Variants in SGMS1 observed in about 807,000 individuals in gnomAD.
SGMS1 encodes the protein phosphatidylcholine:ceramide cholinephosphotransferase 1.
A neutral mutation model predicts 46.2 loss-of-function variants in SGMS1; 13 were observed. The ratio of observed to expected loss-of-function variants is 0.28; its 90% confidence interval spans 0.18 to 0.45. The LOEUF (loss-of-function observed/expected upper bound fraction) is 0.45, where lower values mean the gene tolerates loss of function less well. SGMS1 is among the 20% of genes least tolerant of loss of function. The probability of loss-of-function intolerance (pLI) is 1.00; values close to 1 mark genes in which losing one functional copy is unlikely to be tolerated. For missense variants in SGMS1, 324 were observed against 519.9 expected (o/e 0.62, Z 3.66); for synonymous variants, 203 against 187.8 (o/e 1.08, Z -0.66).
At chr10:50,575,714 A>T (rs1259453518) in intron 2 of SGMS1, among the ~76,000 whole-genome samples, 1 of 152,084 alleles carries the variant, frequency 6.6e-6, no homozygotes, top group Non-Finnish European at 1.5e-5. Context: ...CATATGTCCA[A>T]ACTCATCAAA....
At chr10:50,588,551 T>C (rs1286332541) in intron 2 of SGMS1, among the ~76,000 whole-genome samples, 2 of 152,152 alleles carry the variant, frequency 1.3e-5, no homozygotes, top group Non-Finnish European at 2.9e-5. Flanking sequence ...GGTAGTCAAA[T>C]TATGAGGCTG....
At chr10:50,370,875 G>A (rs1486501717) in intron 6 of SGMS1, among the ~76,000 whole-genome samples, 1 of 152,028 alleles carries the variant, frequency 6.6e-6, no homozygotes. Flanking sequence ...CATGCATGAA[G>A]CTGTCATCTC....
rs141099634 is a variant in SGMS1 at position 50,347,786 on chromosome 10, T to C, written c.-231-3441A>G. 4.9e-3 allele frequency among the ~76,000 whole-genome samples: 749 copies of C among 152,312 alleles called. 8 individuals carry two copies. The highest frequency in any genetic ancestry group is 0.036 in the South Asian group (172 of 4,822). On this transcript the variant is annotated intron_variant, in intron 6 of 10. Coordinates refer to ENST00000361781, the MANE Select transcript of SGMS1 (RefSeq NM_147156.4). ...CAGGGACCAGACAGAGGCCAAAGTG[T>C]TATTTCAGTCCTCTCTGATGAGAGG...
At position 50,418,350 on chromosome 10, in the gene SGMS1, G is replaced by A. The variant is rs1266027451; in HGVS notation, c.-232+15126C>T. ...GGCCGGATGCGCCGATCCTCTCCCG[G>A]GGGGTCAACTGCGAGCTAGACGCCC... On this transcript the variant is annotated intron_variant, in intron 6 of 10. Coordinates refer to ENST00000361781, the MANE Select transcript of SGMS1 (RefSeq NM_147156.4). 2.0e-5 allele frequency: 3 copies of A among 152,330 alleles called. No homozygotes were observed. The East Asian group carries it at 5.8e-4, about 29-fold the overall frequency. The allele number at this position is 152,330 out of a possible 1,614,324, so 9.4% of individuals were successfully genotyped here.
intron 6 of SGMS1, chr10:50,418,061 T>TA (rs1285134715): frequency 1.3e-5 from 2 of 152,216 alleles, no homozygotes; most frequent in African/African-American, 4.8e-5. Context: ...GAGCAACACT[T>TA]ACGGTCTCTC....
intron 3 of SGMS1, among the ~76,000 whole-genome samples, chr10:50,468,978 G>A (rs897792954): frequency 5.3e-5 from 8 of 152,170 alleles, no homozygotes; most frequent in African/African-American, 1.9e-4. Context: ...TGTGTGTTGG[G>A]TAAAGGGTGG....
chr10:50,520,634 T>A (rs1837849425), intron 2 of SGMS1, among the ~76,000 whole-genome samples: 1 of 152,182 alleles, frequency 6.6e-6, no homozygotes. Flanking sequence ...AACTCTTCCA[T>A]GACACCATAT....
At chr10:50,622,100 T>C (rs1308216934) in intron 1 of SGMS1, among the ~76,000 whole-genome samples, 1 of 152,206 alleles carries the variant, frequency 6.6e-6, no homozygotes, top group Non-Finnish European at 1.5e-5. Flanking sequence ...GCTTGCTTGC[T>C]TGCTTGCTTC....
chr10:50,332,611 CTTTTTT>C (rs150975310), intron 7 of SGMS1, among the ~76,000 whole-genome samples: 1 of 72,710 alleles, frequency 1.4e-5, no homozygotes, highest in Non-Finnish European at 2.5e-5. Flanking sequence ...TTTTTTAAGT[CTTTTTT>C]TTTTTTTTTT....
At chr10:50,388,928 A>G (rs1216041165) in intron 6 of SGMS1, among the ~76,000 whole-genome samples, 2 of 152,222 alleles carry the variant, frequency 1.3e-5, no homozygotes, top group Non-Finnish European at 2.9e-5. Context: ...GCCGATGTAC[A>G]ATATGAGGAT....
chr10:50,412,519 C>T (rs1055948504), intron 6 of SGMS1, among the ~76,000 whole-genome samples: 3 of 152,146 alleles, frequency 2.0e-5, no homozygotes, highest in African/African-American at 7.2e-5. Context: ...ATAAGCTACA[C>T]ACTGCTATAG....
intron 6 of SGMS1, among the ~76,000 whole-genome samples, chr10:50,399,825 G>C (rs1185151090): frequency 6.6e-6 from 1 of 151,920 alleles, no homozygotes; most frequent in African/African-American, 2.4e-5. Flanking sequence ...TCAGGAGATC[G>C]AGACCATTCT....
At chr10:50,421,632 G>A (rs566026185) in intron 6 of SGMS1, among the ~76,000 whole-genome samples, 40 of 152,254 alleles carry the variant, frequency 2.6e-4, no homozygotes, top group South Asian at 8.3e-4. Context: ...ACCAATTAAA[G>A]CTCCCCTTAG....
chr10:50,580,104 A>G (rs1838419414), intron 2 of SGMS1, among the ~76,000 whole-genome samples: 1 of 152,188 alleles, frequency 6.6e-6, no homozygotes, highest in Admixed American at 6.5e-5. Flanking sequence ...CAGAAAATTT[A>G]AAGTAATCAA....
intron 3 of SGMS1, among the ~76,000 whole-genome samples, chr10:50,494,103 G>A (rs1170076277): frequency 1.3e-5 from 2 of 152,086 alleles, no homozygotes; most frequent in East Asian, 1.9e-4. Context: ...TGGCCAGAAT[G>A]GCTATTATTA....
intron 6 of SGMS1, among the ~76,000 whole-genome samples, chr10:50,395,427 C>T (rs764492865): frequency 1.8e-4 from 28 of 152,234 alleles, no homozygotes; most frequent in Non-Finnish European, 3.5e-4. Flanking sequence ...AGCAACTGCC[C>T]GCTGTCATTA....
chr10:50,409,445 G>T (rs1849067090), intron 6 of SGMS1, among the ~76,000 whole-genome samples: 1 of 152,110 alleles, frequency 6.6e-6, no homozygotes, highest in Non-Finnish European at 1.5e-5. Context: ...TTTCCCAAAA[G>T]GATTCCTCTA....
At chr10:50,424,405 G>A (rs1408555183) in intron 6 of SGMS1, among the ~76,000 whole-genome samples, 1 of 148,304 alleles carries the variant, frequency 6.7e-6, no homozygotes, top group African/African-American at 2.5e-5. Flanking sequence ...CATAAAAAGT[G>A]TCTTTTGCCT....
chr10:50,548,946 AG>A (rs1164242408), intron 2 of SGMS1, among the ~76,000 whole-genome samples: 2 of 152,188 alleles, frequency 1.3e-5, no homozygotes, highest in East Asian at 1.9e-4. Flanking sequence ...CAGGAAAAAA[AG>A]CTTCATCACT....
Sources: gnomAD v4.1 joint callset for allele counts (sites outside exome capture counted in the v4.1 genomes callset) on GRCh38, gnomAD v4.1.1 for gene constraint, MANE v1.5 for transcripts, NCBI Gene and HGNC (gene_info 2026-07-23, HGNC 2026-07-21) for gene names.